Variants in VKORC1L1 observed in about 807,000 individuals in gnomAD.
VKORC1L1 encodes the protein vitamin K epoxide reductase complex subunit 1L1, also known as vitamin K epoxide reductase complex subunit 1-like protein 1.
In VKORC1L1, 2 loss-of-function variants were observed where a neutral mutation model predicts 18.9. That is an observed-to-expected ratio of 0.11 (90% CI 0.04 to 0.33). The LOEUF (loss-of-function observed/expected upper bound fraction) is 0.33, where lower values mean the gene tolerates loss of function less well. VKORC1L1 is among the 10% of genes least tolerant of loss of function. The probability of loss-of-function intolerance (pLI) is 1.00; values close to 1 mark genes in which losing one functional copy is unlikely to be tolerated. For synonymous variants in VKORC1L1, 96 were observed against 100.0 expected (o/e 0.96, Z 0.24); for missense variants, 123 against 224.1 (o/e 0.55, Z 2.88).
intron 1 of VKORC1L1, among the ~76,000 whole-genome samples, chr7:65,894,144 G>A (rs1390635481): frequency 3.3e-5 from 5 of 151,754 alleles, no homozygotes; most frequent in Non-Finnish European, 7.4e-5. Context: ...TAGTAGAGAT[G>A]GGGTTTCACT....
At chr7:65,888,956 C>T (rs143283713) in intron 1 of VKORC1L1, among the ~76,000 whole-genome samples, 1 of 151,994 alleles carries the variant, frequency 6.6e-6, no homozygotes, top group African/African-American at 2.4e-5. Flanking sequence ...TGAGTAGTAC[C>T]CATAATCCAT....
rs56074368 is a variant in VKORC1L1, at chr7:65,909,690, TTGTGTGTGTGTGTGTGTG to T, written c.194+36156_194+36173del. Among the ~76,000 whole-genome samples, 45 of 123,840 alleles carry T rather than the reference TTGTGTGTGTGTGTGTGTG, an allele frequency of 3.6e-4. 1 individual carries two copies. The South Asian group carries it at 4.2e-3, about 12-fold the overall frequency. 81.2% of individuals were successfully genotyped at this position (123,840 alleles called of 152,430 possible). On this transcript the variant is annotated intron_variant, in intron 1 of 2. Coordinates refer to ENST00000360768, the MANE Select transcript of VKORC1L1 (RefSeq NM_173517.6). Reference sequence around the variant, plus strand: ...AAGCTTCTAACTTTTGTTTTAGCCTTTGTGTGTGTGTGTGTGTGTGTGTGTGTGTGTGTGTGTGTGTGT... The same window carrying T: ...AAGCTTCTAACTTTTGTTTTAGCCTTTGTGTGTGTGTGTGTGTGTGTGTGT...
At chr7:65,935,824 G>A (rs543259940) in intron 1 of VKORC1L1, among the ~76,000 whole-genome samples, 1 of 152,176 alleles carries the variant, frequency 6.6e-6, no homozygotes, top group South Asian at 2.1e-4. Context: ...GGCTAAATTT[G>A]GGAAGTTATT....
chr7:65,921,053 C>T (rs999085059), intron 1 of VKORC1L1, among the ~76,000 whole-genome samples: 20 of 150,830 alleles, frequency 1.3e-4, no homozygotes, highest in African/African-American at 4.8e-4. Context: ...TTATTAGTAT[C>T]TTTTACTTTG....
At chr7:65,877,215 C>T (rs1275367788) in intron 1 of VKORC1L1, among the ~76,000 whole-genome samples, 1 of 151,910 alleles carries the variant, frequency 6.6e-6, no homozygotes, top group African/African-American at 2.4e-5. Context: ...GTATAAGTTT[C>T]TTGTACATAC....
intron 1 of VKORC1L1, among the ~76,000 whole-genome samples, chr7:65,919,060 C>T (rs1371982740): frequency 6.6e-6 from 1 of 152,194 alleles, no homozygotes; most frequent in Non-Finnish European, 1.5e-5. Context: ...TGCACTCCAG[C>T]TTGGGTGACA....
At chr7:65,947,691 C>T (rs1396201597) in intron 1 of VKORC1L1, among the ~76,000 whole-genome samples, 1 of 151,640 alleles carries the variant, frequency 6.6e-6, no homozygotes, top group Admixed American at 6.6e-5. Context: ...TGATATTATC[C>T]TGCATTTTTT....
rs2115760781 is a variant in VKORC1L1, at chr7:65,954,773, G to A, written c.*473G>A. The A allele has an allele frequency of 6.1e-6, 1 of 163,862 alleles. No homozygotes were observed. Among genetic ancestry groups the A allele is most frequent in the African/African-American group, 2.4e-5 (1 of 41,730 alleles). 10.2% of individuals were successfully genotyped at this position (163,862 alleles called of 1,614,324 possible). A position where few individuals can be genotyped will look rare whatever the true frequency, so the allele number is the denominator to read the frequency against. On this transcript the variant is annotated 3_prime_UTR_variant, in exon 3 of 3. Transcript: ENST00000360768. ...GGATTTAAACATGTAGATTCAACTA[G>A]AATCCATTTGTGATATTTGTAAATA...
intron 1 of VKORC1L1, among the ~76,000 whole-genome samples, chr7:65,914,707 A>C (rs1009267738): frequency 4.0e-5 from 6 of 151,618 alleles, no homozygotes; most frequent in African/African-American, 1.5e-4. Flanking sequence ...GCATCTACTT[A>C]CTCTCCCTCT....
chr7:65,874,290 G>T (rs1788787695), intron 1 of VKORC1L1, among the ~76,000 whole-genome samples: 1 of 152,112 alleles, frequency 6.6e-6, no homozygotes, highest in Non-Finnish European at 1.5e-5. Flanking sequence ...TTTGGGTCTA[G>T]TTTAAGCTTC....
chr7:65,946,664 T>C (rs945852665), intron 1 of VKORC1L1, among the ~76,000 whole-genome samples: 9 of 152,194 alleles, frequency 5.9e-5, no homozygotes, highest in Admixed American at 3.3e-4. Flanking sequence ...TGTTTACCTG[T>C]TTATTATTTC....
chr7:65,954,130 G>A lies in VKORC1L1; in HGVS notation c.361G>A (p.Val121Ile). ...LILMTSSIMSVVGSLYLAYIL... is the reference protein window; with the variant it reads ...LILMTSSIMSIVGSLYLAYIL... ...CCTCATGACGTCCTCCATCATGTCG[G>A]TCGTGGGGTCCCTGTACCTGGCCTA... The change falls in exon 3 of 3, where the codon GTC becomes ATC. Residue 121 changes from valine to isoleucine, a missense_variant. Transcript: ENST00000360768. The A allele has an allele frequency of 6.2e-7, 1 of 1,610,506 alleles. No individual in the cohort carries two copies. The highest frequency in any genetic ancestry group is 8.5e-7 in the Non-Finnish European group (1 of 1,176,860).
chr7:65,882,828 C>T (rs1006119991), intron 1 of VKORC1L1, among the ~76,000 whole-genome samples: 2 of 152,174 alleles, frequency 1.3e-5, no homozygotes, highest in African/African-American at 4.8e-5. Context: ...ATGTTTACGA[C>T]TACCAAGTAT....
rs142688452 is a variant in VKORC1L1, at chr7:65,879,651, G to GTCTTCCTTTCT, written c.194+6089_194+6099dup. Among the ~76,000 whole-genome samples, 238 of 21,034 alleles carry GTCTTCCTTTCT rather than the reference G, an allele frequency of 0.011. 3 individuals are homozygous for GTCTTCCTTTCT. In the East Asian group the frequency reaches 0.31, roughly 28 times the overall value. The allele number at this position is 21,034 out of a possible 152,430, so 13.8% of individuals were successfully genotyped here. ...CCAAGCTCTTTACCACTACTCTTTC[G>GTCTTCCTTTCT]TCTTCCTTTCTTCCTTTCCCTCCCA... On this transcript the variant is annotated intron_variant, in intron 1 of 2. Coordinates refer to ENST00000360768, the MANE Select transcript of VKORC1L1 (RefSeq NM_173517.6).
At chr7:65,885,479 G>A (rs1002789592) in intron 1 of VKORC1L1, among the ~76,000 whole-genome samples, 3 of 150,868 alleles carry the variant, frequency 2.0e-5, no homozygotes, top group African/African-American at 7.3e-5. Flanking sequence ...TTCTGGTTTA[G>A]CAAAATCTCT....
chr7:65,900,394 CAAA>C (rs546873103), intron 1 of VKORC1L1, among the ~76,000 whole-genome samples: 2 of 118,722 alleles, frequency 1.7e-5, no homozygotes, highest in African/African-American at 3.1e-5. Context: ...GGCTCTATCT[CAAA>C]AAAAAAAAAA....
intron 1 of VKORC1L1, among the ~76,000 whole-genome samples, chr7:65,880,181 G>T (rs1333985572): frequency 6.6e-6 from 1 of 152,132 alleles, no homozygotes; most frequent in Non-Finnish European, 1.5e-5. Context: ...ATTCCATTTA[G>T]ATCTAATATT....
chr7:65,948,464 A>T (rs1482777863), intron 1 of VKORC1L1, among the ~76,000 whole-genome samples: 1 of 121,820 alleles, frequency 8.2e-6, no homozygotes, highest in Non-Finnish European at 1.7e-5. Context: ...GCACCTTTAG[A>T]TATGTTCATT....
chr7:65,876,458 C>T (rs1216538351), intron 1 of VKORC1L1, among the ~76,000 whole-genome samples: 5 of 151,172 alleles, frequency 3.3e-5, no homozygotes, highest in African/African-American at 7.3e-5. Context: ...GCCAAGATCG[C>T]GCCATTGCAC....
Sources: allele counts gnomAD v4.1 joint callset (sites outside exome capture counted in the v4.1 genomes callset), GRCh38; gene constraint gnomAD v4.1.1; transcripts MANE v1.5; gene names NCBI Gene and HGNC (gene_info 2026-07-23, HGNC 2026-07-21).